Variants in FGF13 observed in about 807,000 individuals in gnomAD.
FGF13 encodes fibroblast growth factor homologous factor 2.
In FGF13, 2 loss-of-function variants were observed where a neutral mutation model predicts 19.5. The ratio of observed to expected loss-of-function variants is 0.10; its 90% CI spans 0.04 to 0.32. The LOEUF (loss-of-function observed/expected upper bound fraction) is 0.32, where lower values mean the gene tolerates loss of function less well. FGF13 is among the 10% of genes least tolerant of loss of function. FGF13 has a pLI of 1.00. For synonymous variants in FGF13, 72 were observed against 76.9 expected (o/e 0.94, Z 0.33); for missense variants, 113 against 192.7 (o/e 0.59, Z 2.45).
intron 1 of FGF13, among the ~76,000 whole-genome samples, chrX:139,192,677 T>C (rs1426596727): frequency 1.8e-5 from 2 of 111,540 alleles, no homozygotes; most frequent in Non-Finnish European, 3.8e-5. Context: ...CGGGGGTATA[T>C]GTGGTTAGAC....
intron 1 of FGF13, among the ~76,000 whole-genome samples, chrX:139,054,935 T>TTGTAA (rs2092316683): frequency 9.1e-6 from 1 of 109,976 alleles, no homozygotes. Flanking sequence ...TTGTATTGTA[T>TTGTAA]TTTGCAGCTA....
rs1569347624 is a variant in FGF13 at position 138,625,486 on chromosome X, T to TATATATATACATATATATATA, written c.*7363_*7364insTATATATATATGTATATATAT. 3 of 91,513 alleles carry TATATATATACATATATATATA rather than the reference T, an allele frequency of 3.3e-5. No homozygotes were observed. Among genetic ancestry groups the TATATATATACATATATATATA allele is most frequent in the African/African-American group, 1.3e-4 (3 of 23,125 alleles). The allele number at this position is 91,513 out of a possible 1,213,427, so 7.5% of individuals were successfully genotyped here. A position where few individuals can be genotyped will look rare whatever the true frequency, so the allele number is the denominator to read the frequency against. On this transcript the variant is annotated 3_prime_UTR_variant, in exon 5 of 5. Transcript: ENST00000315930. ...TATATATATACATATATATATATAATATATATATATACATATATATATATA... is the reference window on the plus strand; with the variant it reads ...TATATATATACATATATATATATAATATATATATACATATATATATAATATATATATACATATATATATATA...
chrX:138,750,659 C>G (rs1402250297), intron 3 of FGF13, among the ~76,000 whole-genome samples: 1 of 111,225 alleles, frequency 9.0e-6, no homozygotes, highest in Non-Finnish European at 1.9e-5. Flanking sequence ...CATGTGAATG[C>G]GCACACATAT....
At position 138,818,499 on chromosome X, in the gene FGF13, G is replaced by GACACACACAC. The variant is rs371760908; in HGVS notation, c.217+39003_217+39012dup. On this transcript the variant is annotated intron_variant, in intron 3 of 6. Coordinates refer to the FGF13 transcript ENST00000436198. Reference sequence around the variant, plus strand: ...TTATATAAGGATATATATATGCACAGACACACACACACACACACACACACA... The same window carrying GACACACACAC: ...TTATATAAGGATATATATATGCACAGACACACACACACACACACACACACACACACACACA... Among the ~76,000 whole-genome samples, 442 of 84,784 alleles carry GACACACACAC rather than the reference G, an allele frequency of 5.2e-3. 2 individuals carry two copies. The highest frequency in any genetic ancestry group is 0.015 in the African/African-American group (346 of 23,172). The allele number at this position is 84,784 out of a possible 115,157, so 73.6% of individuals were successfully genotyped here.
At chrX:138,893,583 G>A (rs1429855235) in intron 1 of FGF13, among the ~76,000 whole-genome samples, 1 of 111,000 alleles carries the variant, frequency 9.0e-6, no homozygotes, top group Non-Finnish European at 1.9e-5. Context: ...CCTCCTGCAA[G>A]GAGTTGAGCT....
rs980080634 is a variant in FGF13, at chrX:139,005,201, C to A, written c.-112-140551G>T. Among the ~76,000 whole-genome samples the A allele has an allele frequency of 6.0e-5, 4 of 66,783 alleles. 1 individual carries two copies. The highest frequency in any genetic ancestry group is 9.0e-4 in the South Asian group (1 of 1,116). The allele number at this position is 66,783 out of a possible 115,157, so 58.0% of individuals were successfully genotyped here. On this transcript the variant is annotated intron_variant, in intron 1 of 2. Transcript: ENST00000421460. ...GGGTTGCTTGTGTCACTGCCCCCCC[C>A]CCCCCCCCAGCTCCAGGTGGTACAG...
rs1376406946 is a variant in FGF13, at chrX:138,616,948, C to A, written c.*15902G>T. 9.2e-6 allele frequency: 1 copy of A among 109,206 alleles called. No homozygotes were observed. The highest frequency in any genetic ancestry group is 3.5e-5 in the African/African-American group (1 of 28,248). The allele number at this position is 109,206 out of a possible 1,213,427, so 9.0% of individuals were successfully genotyped here. ...GGACGCAGGGTACCATGTTTCAAGG[C>A]TGCAAAGAGCAAGGGGGGGTGCCTG... On this transcript the variant is annotated 3_prime_UTR_variant, in exon 5 of 5. Coordinates refer to ENST00000315930, the MANE Select transcript of FGF13 (RefSeq NM_004114.5).
At chrX:138,965,838 A>G (rs757246570) in intron 1 of FGF13, among the ~76,000 whole-genome samples, 15 of 112,123 alleles carry the variant, frequency 1.3e-4, no homozygotes, top group Non-Finnish European at 2.4e-4. Flanking sequence ...TGATATCTAT[A>G]GCCCATGAAA....
intron 3 of FGF13, among the ~76,000 whole-genome samples, chrX:138,675,164 T>A (rs1156797697): frequency 8.9e-6 from 1 of 112,289 alleles, no homozygotes; most frequent in Non-Finnish European, 1.9e-5. Flanking sequence ...AGTTTGCTAC[T>A]TGATAACTTA....
At chrX:138,785,535 C>T (rs1412682401) in intron 3 of FGF13, among the ~76,000 whole-genome samples, 1 of 111,541 alleles carries the variant, frequency 9.0e-6, no homozygotes, top group Non-Finnish European at 1.9e-5. Context: ...TAATCAAAGT[C>T]AGTGATCTCT....
At position 138,626,001 on chromosome X, in the gene FGF13, T is replaced by C. The variant is rs1473505159; in HGVS notation, c.*6849A>G. 1 of 111,794 alleles carries C rather than the reference T, an allele frequency of 8.9e-6. No homozygotes were observed. Among genetic ancestry groups the C allele is most frequent in the African/African-American group, 3.3e-5 (1 of 30,725 alleles). The allele number at this position is 111,794 out of a possible 1,213,427, so 9.2% of individuals were successfully genotyped here. A position where few individuals can be genotyped will look rare whatever the true frequency, so the allele number is the denominator to read the frequency against. ...GAGGAATTAGTAGGGCAATCTTCTA[T>C]AGCCTAATAGGCAAGGTTGTGAATC... On this transcript the variant is annotated 3_prime_UTR_variant, in exon 5 of 5. Coordinates refer to ENST00000315930, the MANE Select transcript of FGF13 (RefSeq NM_004114.5).
At chrX:138,858,020 A>G (rs1210051581) in intron 2 of FGF13, among the ~76,000 whole-genome samples, 4 of 112,017 alleles carry the variant, frequency 3.6e-5, no homozygotes, top group African/African-American at 9.7e-5. Context: ...TGAGTACAAT[A>G]TAAGTATTCA....
intron 3 of FGF13, among the ~76,000 whole-genome samples, chrX:138,804,136 G>A (rs149601645): frequency 2.4e-4 from 27 of 111,546 alleles, no homozygotes; most frequent in African/African-American, 8.5e-4. Context: ...GACACACTTT[G>A]CTCCCACAGA....
intron 3 of FGF13, among the ~76,000 whole-genome samples, chrX:138,652,191 C>A (rs770894057): frequency 9.0e-6 from 1 of 111,311 alleles, no homozygotes; most frequent in Admixed American, 9.6e-5. Context: ...TGGCTTACAC[C>A]TCTGCCTTGA....
chrX:138,798,694 C>A (rs1008394106), intron 3 of FGF13, among the ~76,000 whole-genome samples: 6 of 111,562 alleles, frequency 5.4e-5, no homozygotes, highest in African/African-American at 2.0e-4. Context: ...CTGTCTTAAC[C>A]TTTGCTTTTT....
intron 3 of FGF13, among the ~76,000 whole-genome samples, chrX:138,657,159 G>A (rs2267627): frequency 0.21 from 22,251 of 107,861 alleles, 1,922 homozygotes; most frequent in East Asian, 0.48. Flanking sequence ...ATCAATTTTA[G>A]AAAAAAAAAG....
At chrX:138,758,883 T>C (rs1016702734) in intron 3 of FGF13, among the ~76,000 whole-genome samples, 5 of 112,194 alleles carry the variant, frequency 4.5e-5, no homozygotes, top group Admixed American at 1.9e-4. Flanking sequence ...AAGCGACTCA[T>C]GTGAATAAAT....
At chrX:138,739,194 A>G in intron 1 of FGF13, 1 of 749,122 alleles carries the variant, frequency 1.3e-6, no homozygotes. Context: ...GTCCAGGATA[A>G]ACATTCAAAT....
rs2088989776 is a variant in FGF13, at chrX:138,618,707, G to C, written c.*14143C>G. The C allele has an allele frequency of 8.9e-6, 1 of 111,762 alleles. No individual in the cohort carries two copies. The highest frequency in any genetic ancestry group is 9.5e-5 in the Admixed American group (1 of 10,480). The allele number at this position is 111,762 out of a possible 1,213,427, so 9.2% of individuals were successfully genotyped here. A position where few individuals can be genotyped will look rare whatever the true frequency, so the allele number is the denominator to read the frequency against. ...AGTGTGAACTTGTGTGCATGCAGAA[G>C]CAGGCAGCTTGACTCTGTGGGAATG... On this transcript the variant is annotated 3_prime_UTR_variant, in exon 5 of 5. Coordinates refer to ENST00000315930, the MANE Select transcript of FGF13 (RefSeq NM_004114.5).
Sources: allele counts gnomAD v4.1 joint callset (sites outside exome capture counted in the v4.1 genomes callset), GRCh38; gene constraint gnomAD v4.1.1; transcripts MANE v1.5; gene names NCBI Gene and HGNC (gene_info 2026-07-23, HGNC 2026-07-21).